CLSTN2: variants seen among roughly 807,000 people sequenced by gnomAD.
CLSTN2 encodes the protein calsyntenin 2.
CLSTN2 carries 48 observed loss-of-function variants against 101.2 expected under a neutral mutation model. That is an observed-to-expected ratio of 0.47 (90% CI 0.38 to 0.60). CLSTN2 has a LOEUF of 0.60. CLSTN2 is among the 20% of genes least tolerant of loss of function. The pLI is 0.00. For missense variants in CLSTN2, 1,160 were observed against 1,238.2 expected (o/e 0.94, Z 0.95); for synonymous variants, 481 against 463.6 (o/e 1.04, Z -0.48).
chr3:140,153,385 G>C (rs2009899067), intron 1 of CLSTN2, among the ~76,000 whole-genome samples: 1 of 152,258 alleles, frequency 6.6e-6, no homozygotes, highest in Non-Finnish European at 1.5e-5. Flanking sequence ...CTTGCAGTGA[G>C]AATTTGGCGG....
chr3:139,982,215 A>C (rs1165259591), intron 1 of CLSTN2, among the ~76,000 whole-genome samples: 1 of 152,056 alleles, frequency 6.6e-6, no homozygotes, highest in Non-Finnish European at 1.5e-5. Flanking sequence ...TTATATTTTC[A>C]GGTATTATTA....
chr3:139,936,777 G>T (rs147080129), intron 1 of CLSTN2, among the ~76,000 whole-genome samples: 165 of 152,300 alleles, frequency 1.1e-3, no homozygotes, highest in Non-Finnish European at 1.6e-3. Flanking sequence ...GAACATGGGA[G>T]ATTATGTTTA....
At chr3:139,937,891 CTGTT>C (rs1935056675) in intron 1 of CLSTN2, among the ~76,000 whole-genome samples, 2 of 151,898 alleles carry the variant, frequency 1.3e-5, no homozygotes, top group African/African-American at 4.8e-5. Context: ...GCAAAGAGCT[CTGTT>C]TGCTGCTGAT....
intron 2 of CLSTN2, among the ~76,000 whole-genome samples, chr3:140,383,184 T>C (rs1471454885): frequency 1.3e-5 from 2 of 152,216 alleles, no homozygotes; most frequent in South Asian, 4.1e-4. Flanking sequence ...TATTTTCTAC[T>C]GTATGACACT....
At chr3:140,012,673 C>T (rs2007110044) in intron 1 of CLSTN2, among the ~76,000 whole-genome samples, 1 of 152,136 alleles carries the variant, frequency 6.6e-6, no homozygotes, top group African/African-American at 2.4e-5. Context: ...GAAGGAGAGT[C>T]ATTAGGTTTT....
chr3:140,371,631 G>A (rs977819212), intron 2 of CLSTN2, among the ~76,000 whole-genome samples: 1 of 152,152 alleles, frequency 6.6e-6, no homozygotes, highest in Non-Finnish European at 1.5e-5. Flanking sequence ...CTTCCTCACA[G>A]AAAGACAGAG....
chr3:139,944,109 A>G (rs1380403112), intron 1 of CLSTN2, among the ~76,000 whole-genome samples: 1 of 152,186 alleles, frequency 6.6e-6, no homozygotes, highest in Non-Finnish European at 1.5e-5. Context: ...TGACTGCTTT[A>G]TAGATATTAA....
chr3:139,963,559 A>G (rs1001702858), intron 1 of CLSTN2, among the ~76,000 whole-genome samples: 1 of 152,162 alleles, frequency 6.6e-6, no homozygotes, highest in Non-Finnish European at 1.5e-5. Flanking sequence ...AGAGGGGCAG[A>G]GATTGGTATT....
intron 2 of CLSTN2, among the ~76,000 whole-genome samples, chr3:140,205,614 A>ACCCCC (rs1286516086): frequency 1.8e-4 from 12 of 66,840 alleles, no homozygotes; most frequent in Non-Finnish European, 2.5e-4. Flanking sequence ...TTTGGACCTG[A>ACCCCC]CCCGCCCCCC....
At chr3:140,177,748 A>T (rs2010346829) in intron 2 of CLSTN2, among the ~76,000 whole-genome samples, 1 of 152,204 alleles carries the variant, frequency 6.6e-6, no homozygotes, top group Non-Finnish European at 1.5e-5. Context: ...GTGAACTCTG[A>T]TTGCACCAAC....
intron 1 of CLSTN2, among the ~76,000 whole-genome samples, chr3:139,969,486 G>C (rs1935657315): frequency 1.3e-5 from 2 of 152,128 alleles, no homozygotes; most frequent in Admixed American, 1.3e-4. Context: ...TCTTGTCACT[G>C]CCAGTTGGAG....
At chr3:140,328,933 C>CA (rs1468623261) in intron 2 of CLSTN2, among the ~76,000 whole-genome samples, 48 of 152,182 alleles carry the variant, frequency 3.2e-4, no homozygotes, top group Middle Eastern at 3.4e-3. Context: ...ATGAGGTTGT[C>CA]AAAAATAAAA....
At chr3:139,965,773 C>G (rs1935588583) in intron 1 of CLSTN2, among the ~76,000 whole-genome samples, 1 of 152,174 alleles carries the variant, frequency 6.6e-6, no homozygotes, top group Admixed American at 6.5e-5. Flanking sequence ...TAGCCTCCTC[C>G]TTTCTCTAGA....
At position 140,255,372 on chromosome 3, in the gene CLSTN2, C is replaced by A. The variant is rs1173404816; in HGVS notation, c.232+79299C>A. ...AGTGTATGTTCATTGCAGCACTGTT[C>A]ACTACAGCAAAGACATGGAATCAAC... On this transcript the variant is annotated intron_variant, in intron 2 of 16. Coordinates refer to ENST00000458420, the MANE Select transcript of CLSTN2 (RefSeq NM_022131.3). Among the ~76,000 whole-genome samples, 3 of 152,188 alleles carry A rather than the reference C, an allele frequency of 2.0e-5. No homozygotes were observed. The East Asian group carries it at 5.8e-4, about 29-fold the overall frequency.
chr3:140,062,040 T>C (rs1404399967), intron 1 of CLSTN2, among the ~76,000 whole-genome samples: 1 of 152,170 alleles, frequency 6.6e-6, no homozygotes, highest in East Asian at 1.9e-4. Flanking sequence ...TTAGTATTAA[T>C]ATTAATAGTG....
chr3:140,361,228 TC>T (rs2087727154), intron 2 of CLSTN2, among the ~76,000 whole-genome samples: 1 of 152,190 alleles, frequency 6.6e-6, no homozygotes, highest in Non-Finnish European at 1.5e-5. Flanking sequence ...TACACCATCT[TC>T]TTAGATTGAA....
intron 4 of CLSTN2, among the ~76,000 whole-genome samples, chr3:140,407,941 C>A (rs1223199086): frequency 1.3e-5 from 2 of 152,116 alleles, no homozygotes; most frequent in African/African-American, 4.8e-5. Flanking sequence ...TTTAAGTTTG[C>A]AAACACGAAG....
chr3:139,993,235 G>T (rs1412864862), intron 1 of CLSTN2, among the ~76,000 whole-genome samples: 6 of 152,000 alleles, frequency 3.9e-5, no homozygotes, highest in African/African-American at 1.5e-4. Context: ...GGGTAATTTA[G>T]GCTAAACCCT....
Position 140,575,790 on chromosome 3 carries a change from G to T in CLSTN2, c.*9537G>T. The T allele has an allele frequency of 6.6e-6, 1 of 152,000 alleles. No individual in the cohort carries two copies. Among genetic ancestry groups the T allele is most frequent in the East Asian group, 1.9e-4 (1 of 5,188 alleles). 9.4% of individuals were successfully genotyped at this position (152,000 alleles called of 1,614,324 possible). A position where few individuals can be genotyped will look rare whatever the true frequency, so the allele number is the denominator to read the frequency against. On this transcript the variant is annotated 3_prime_UTR_variant, in exon 17 of 17. Coordinates refer to ENST00000458420, the MANE Select transcript of CLSTN2 (RefSeq NM_022131.3). ...AGAGATGAGTAGGCTATGGACAGCTGATTATATATATGTGTGTGTGTGTAT... is the reference window on the plus strand; with the variant it reads ...AGAGATGAGTAGGCTATGGACAGCTTATTATATATATGTGTGTGTGTGTAT...
Sources: gnomAD v4.1 joint callset for allele counts (sites outside exome capture counted in the v4.1 genomes callset) on GRCh38, gnomAD v4.1.1 for gene constraint, MANE v1.5 for transcripts, NCBI Gene and HGNC (gene_info 2026-07-23, HGNC 2026-07-21) for gene names.